Variants in HEMK2 observed in about 807,000 individuals in gnomAD.
HEMK2 encodes the protein HemK methyltransferase 2, ETF1 glutamine and histone H4 lysine.
chr21:28,863,866 C>T, the HEMK2 span, among the ~76,000 whole-genome samples: 2 of 152,080 alleles, frequency 1.3e-5, no homozygotes, highest in African/African-American at 2.4e-5. Flanking sequence ...CTTGCTCTGT[C>T]GCCCAGGCCG....
At chr21:28,871,785 T>C in the HEMK2 span, among the ~76,000 whole-genome samples, 4 of 152,124 alleles carry the variant, frequency 2.6e-5, no homozygotes, top group Admixed American at 2.6e-4. Context: ...GAAGGAAGAA[T>C]CCTTGCCTGC....
At chr21:28,598,674 T>C in the HEMK2 span, among the ~76,000 whole-genome samples, 1 of 152,208 alleles carries the variant, frequency 6.6e-6, no homozygotes, top group African/African-American at 2.4e-5. Context: ...CAAGTCCTTC[T>C]AGTAAATTAT....
At chr21:28,616,853 C>T in the HEMK2 span, among the ~76,000 whole-genome samples, 7 of 152,266 alleles carry the variant, frequency 4.6e-5, no homozygotes, top group African/African-American at 1.4e-4. Flanking sequence ...ATCTAACCAT[C>T]GTGGCAGGCA....
the HEMK2 span, among the ~76,000 whole-genome samples, chr21:28,699,520 AT>A: frequency 6.6e-6 from 1 of 152,230 alleles, no homozygotes; most frequent in East Asian, 1.9e-4. Flanking sequence ...CCAAACAAAA[AT>A]TTAACAAGAA....
chr21:28,732,843 G>A, the HEMK2 span, among the ~76,000 whole-genome samples: 1 of 152,146 alleles, frequency 6.6e-6, no homozygotes, highest in South Asian at 2.1e-4. Flanking sequence ...CCTTCTCCCA[G>A]ATGTCTTTCA....
the HEMK2 span, among the ~76,000 whole-genome samples, chr21:28,801,459 T>C: frequency 3.9e-5 from 6 of 152,200 alleles, no homozygotes; most frequent in South Asian, 1.0e-3. Context: ...CTAGGGAAGA[T>C]CTTTCTAGCC....
chr21:28,862,683 C>T, the HEMK2 span, among the ~76,000 whole-genome samples: 15 of 152,140 alleles, frequency 9.9e-5, no homozygotes, highest in African/African-American at 3.1e-4. Flanking sequence ...GTACCAGCTA[C>T]GACCATGTGA....
the HEMK2 span, among the ~76,000 whole-genome samples, chr21:28,645,370 G>T: frequency 6.6e-6 from 1 of 152,144 alleles, no homozygotes; most frequent in Non-Finnish European, 1.5e-5. Flanking sequence ...CTCACTGTCA[G>T]CTTTTGTCCA....
At chr21:28,690,967 T>C in the HEMK2 span, among the ~76,000 whole-genome samples, 1 of 152,216 alleles carries the variant, frequency 6.6e-6, no homozygotes, top group South Asian at 2.1e-4. Flanking sequence ...CTCTATTTTC[T>C]GCAAATTGGC....
At chr21:28,871,413 C>T in the HEMK2 span, among the ~76,000 whole-genome samples, 1 of 152,144 alleles carries the variant, frequency 6.6e-6, no homozygotes, top group Admixed American at 6.5e-5. Flanking sequence ...TCGCTAAGAA[C>T]TCACTATCAC....
the HEMK2 span, among the ~76,000 whole-genome samples, chr21:28,853,720 G>A: frequency 5.9e-5 from 9 of 152,214 alleles, no homozygotes; most frequent in Non-Finnish European, 1.2e-4. Context: ...AGGTGGAAAG[G>A]CTGAGAGCAG....
the HEMK2 span, among the ~76,000 whole-genome samples, chr21:28,705,669 A>G: frequency 2.6e-5 from 4 of 152,186 alleles, no homozygotes; most frequent in Non-Finnish European, 5.9e-5. Context: ...CAAATGTATT[A>G]TCTGACGGTT....
At chr21:28,769,202 G>C in the HEMK2 span, among the ~76,000 whole-genome samples, 1 of 151,982 alleles carries the variant, frequency 6.6e-6, no homozygotes, top group Non-Finnish European at 1.5e-5. Context: ...GCCCACCTGG[G>C]ACCCCCAGGT....
At chr21:28,845,616 T>C in the HEMK2 span, among the ~76,000 whole-genome samples, 1 of 152,112 alleles carries the variant, frequency 6.6e-6, no homozygotes. Context: ...TCTATTTTTC[T>C]TTATGCAGTT....
chr21:28,876,304 C>A, the HEMK2 span: 1 of 923,368 alleles, frequency 1.1e-6, no homozygotes, highest in South Asian at 2.1e-5. Flanking sequence ...GATAAAATTC[C>A]TTGTTACCTA....
At chr21:28,745,737 C>T in the HEMK2 span, among the ~76,000 whole-genome samples, 1 of 152,160 alleles carries the variant, frequency 6.6e-6, no homozygotes. Context: ...TATAACACAC[C>T]CCTTCCCAAC....
At chr21:28,877,259 G>GGGAGGGAAGGAAGGAAGGAAGGAA in the HEMK2 span, among the ~76,000 whole-genome samples, 1 of 76,188 alleles carries the variant, frequency 1.3e-5, no homozygotes. Flanking sequence ...GGGAAGAGAA[G>GGGAGGGAAGGAAGGAAGGAAGGAA]GGAAGGAAGG....
At chr21:28,804,082 A>G in the HEMK2 span, among the ~76,000 whole-genome samples, 2 of 152,358 alleles carry the variant, frequency 1.3e-5, no homozygotes, top group Admixed American at 6.5e-5. Context: ...GTACTCTATC[A>G]GTATCTAAAA....
At chr21:28,592,970 T>C in the HEMK2 span, among the ~76,000 whole-genome samples, 1 of 152,210 alleles carries the variant, frequency 6.6e-6, no homozygotes. Context: ...AAGGTGGACA[T>C]AGTGGCACCT....
Sources: gnomAD v4.1 joint callset for allele counts (sites outside exome capture counted in the v4.1 genomes callset) on GRCh38, gnomAD v4.1.1 for gene constraint, MANE v1.5 for transcripts, NCBI Gene and HGNC (gene_info 2026-07-23, HGNC 2026-07-21) for gene names.